The following SPATA6L variants were observed in gnomAD, a reference collection of about 807,000 sequenced individuals.
SPATA6L encodes the protein spermatogenesis associated 6-like protein.
A neutral mutation model predicts 49.2 loss-of-function variants in SPATA6L; 68 were observed. That is an observed-to-expected ratio of 1.38 (90% CI 1.14 to 1.69). The LOEUF (loss-of-function observed/expected upper bound fraction) is 1.69. Among genes scored for constraint, SPATA6L ranks in the 40% most tolerant of loss-of-function variants. The pLI, the probability that SPATA6L is intolerant of heterozygous loss-of-function variation, is 0.00. For missense variants in SPATA6L, 668 were observed against 464.3 expected, an observed-to-expected ratio of 1.44 and a Z score of -4.03; for synonymous variants, 198 against 165.7, an observed-to-expected ratio of 1.19 and a Z score of -1.50.
chr9:4,631,986 C>T (rs566039183), intron 4 of SPATA6L, among the ~76,000 whole-genome samples: 1 of 151,566 alleles, frequency 6.6e-6, no homozygotes, highest in East Asian at 1.9e-4. Flanking sequence ...ATGTAATGAG[C>T]TCAACACAGT....
At chr9:4,604,947 G>A (rs529395884) in intron 10 of SPATA6L, among the ~76,000 whole-genome samples, 1 of 152,186 alleles carries the variant, frequency 6.6e-6, no homozygotes, top group Non-Finnish European at 1.5e-5. Flanking sequence ...CTTCCATGTT[G>A]TGGCCTTACA....
chr9:4,656,956 A>T (rs1838406508), intron 2 of SPATA6L, among the ~76,000 whole-genome samples: 1 of 150,038 alleles, frequency 6.7e-6, no homozygotes. Context: ...ACTCCCATAG[A>T]ATAAGGAAAG....
chr9:4,604,004 C>A (rs12004824), intron 11 of SPATA6L, among the ~76,000 whole-genome samples, 175 bp downstream of exon 11: 1 of 152,166 alleles, frequency 6.6e-6, no homozygotes, highest in African/African-American at 2.4e-5. Context: ...CTGGAAGGCA[C>A]GTGCACTGCA....
chr9:4,588,829 T>TC (rs1821720513), exon 14 of SPATA6L: 1 of 152,252 alleles, frequency 6.6e-6, no homozygotes, highest in Non-Finnish European at 1.5e-5. Context: ...TCTTTTTTAG[T>TC]CCAGTGGGTA....
chr9:4,589,563 A>G (rs1821772048), intron 13 of SPATA6L, among the ~76,000 whole-genome samples: 1 of 152,220 alleles, frequency 6.6e-6, no homozygotes, highest in South Asian at 2.1e-4. Context: ...TTTTTCTATA[A>G]AGTGTCATGT....
intron 8 of SPATA6L, 37 bp from the exon 9 acceptor site, chr9:4,618,147 C>T (rs1828446900): frequency 1.3e-6 from 2 of 1,550,526 alleles, no homozygotes; most frequent in African/African-American, 2.7e-5. Context: ...TGTAATTTTG[C>T]TTCTGTTTGC....
intron 2 of SPATA6L, among the ~76,000 whole-genome samples, chr9:4,657,573 T>C (rs1321538021): frequency 6.6e-6 from 1 of 152,000 alleles, no homozygotes; most frequent in African/African-American, 2.4e-5. Context: ...AAAAAAACTT[T>C]AGGCAAAATT....
rs556133851 is a variant in SPATA6L, at chr9:4,638,929, C to T, written c.227-3530G>A. ...CCTCCCGAGTAACTGGGACTACAGA[C>T]GCGCACCACAAATTCAAGTTCTAGG... On this transcript the variant is annotated intron_variant, in intron 3 of 11. Transcript: ENST00000682582. Among the ~76,000 whole-genome samples, 164 of 152,112 alleles carry T rather than the reference C, an allele frequency of 1.1e-3. 1 individual carries two copies. The highest frequency in any genetic ancestry group is 3.8e-3 in the African/African-American group (156 of 41,518).
chr9:4,638,402 G>A (rs908935999), intron 3 of SPATA6L, among the ~76,000 whole-genome samples: 6 of 152,082 alleles, frequency 3.9e-5, no homozygotes, highest in African/African-American at 1.2e-4. Context: ...TAGTAGACAC[G>A]GGGTTTCACC....
At chr9:4,594,232 C>T (rs771084833), downstream of SPATA6L, among the ~76,000 whole-genome samples, 7 of 151,850 alleles carry the variant, frequency 4.6e-5, no homozygotes, top group South Asian at 2.1e-4. Context: ...TTTTGTTTTT[C>T]GGAGTCTCGC....
chr9:4,644,846 A>G (rs1834991138), intron 3 of SPATA6L, among the ~76,000 whole-genome samples: 1 of 152,136 alleles, frequency 6.6e-6, no homozygotes, highest in Non-Finnish European at 1.5e-5. Flanking sequence ...GTCACTCAAG[A>G]CACACTGCAT....
chr9:4,663,286 C>T, intron 1 of SPATA6L: 1 of 1,599,894 alleles, frequency 6.3e-7, no homozygotes. Context: ...GATTATGGCA[C>T]CAGGAAGTCT....
At chr9:4,616,649 G>A (rs556086634) in intron 9 of SPATA6L, among the ~76,000 whole-genome samples, 4 of 152,290 alleles carry the variant, frequency 2.6e-5, no homozygotes, top group African/African-American at 7.2e-5. Flanking sequence ...GCAATGGCAC[G>A]ATCTCAGCTC....
chr9:4,656,346 G>A (rs1378604181), intron 2 of SPATA6L, among the ~76,000 whole-genome samples: 4 of 152,030 alleles, frequency 2.6e-5, no homozygotes, highest in Non-Finnish European at 5.9e-5. Flanking sequence ...GGCTGAGGCT[G>A]GAGGGTCACT....
intron 1 of SPATA6L, chr9:4,664,454 A>T (rs1001785308): frequency 3.0e-5 from 5 of 167,036 alleles, no homozygotes; most frequent in Admixed American, 6.5e-5. Context: ...CACAAGATAA[A>T]ACTCCAAAAT....
At chr9:4,620,314 T>C (rs1307524887) in intron 7 of SPATA6L, among the ~76,000 whole-genome samples, 1 of 152,202 alleles carries the variant, frequency 6.6e-6, no homozygotes, top group Non-Finnish European at 1.5e-5. Context: ...CTTCCTCCTG[T>C]GGCTTCATAA....
At chr9:4,591,588 C>G (rs955723759) in intron 13 of SPATA6L, among the ~76,000 whole-genome samples, 16 of 152,220 alleles carry the variant, frequency 1.1e-4, no homozygotes, top group Admixed American at 4.6e-4. Context: ...GGCTTTACCT[C>G]TCAGGTACTT....
intron 3 of SPATA6L, among the ~76,000 whole-genome samples, chr9:4,643,086 C>A (rs1407980299): frequency 6.6e-6 from 1 of 151,950 alleles, no homozygotes; most frequent in Non-Finnish European, 1.5e-5. Context: ...TAGCTCATTG[C>A]AACCTCTGCC....
At chr9:4,594,252 C>T (rs1399201469), downstream of SPATA6L, among the ~76,000 whole-genome samples, 2 of 152,172 alleles carry the variant, frequency 1.3e-5, no homozygotes, top group Non-Finnish European at 2.9e-5. Context: ...CTCTGTCACC[C>T]AGGCTGGAGT....
Sources: gnomAD v4.1 joint callset for allele counts (sites outside exome capture counted in the v4.1 genomes callset) on GRCh38, gnomAD v4.1.1 for gene constraint, MANE v1.5 for transcripts, NCBI Gene and HGNC (gene_info 2026-07-23, HGNC 2026-07-21) for gene names.